TCF4: variants seen among roughly 807,000 people sequenced by gnomAD.
TCF4 encodes transcription factor 4, also known as SL3-3 enhancer factor 2.
TCF4 carries 3 observed loss-of-function variants against 82.1 expected under a neutral mutation model. The ratio of observed to expected loss-of-function variants is 0.04; its 90% CI spans 0.02 to 0.09. The LOEUF is 0.09. Among genes scored for constraint, TCF4 ranks in the 10% least tolerant of loss-of-function variants. The pLI, the probability that TCF4 is intolerant of heterozygous loss-of-function variation, is 1.00. For missense variants in TCF4, 518 were observed against 852.7 expected (o/e 0.61, Z 4.89); for synonymous variants, 276 against 309.6 (o/e 0.89, Z 1.14).
At chr18:55,540,010 C>T (rs527701093) in intron 3 of TCF4, among the ~76,000 whole-genome samples, 352 of 151,404 alleles carry the variant, frequency 2.3e-3, no homozygotes, top group African/African-American at 8.0e-3. Flanking sequence ...CTATGGTCCT[C>T]AGAGAGCTTA....
At chr18:55,364,915 C>T in intron 6 of TCF4, among the ~76,000 whole-genome samples, 1 of 151,758 alleles carries the variant, frequency 6.6e-6, no homozygotes, top group East Asian at 1.9e-4. Flanking sequence ...AATCCCAGCA[C>T]TTTGGGAACT....
At chr18:55,624,553 A>T (rs1339299623) in intron 2 of TCF4, among the ~76,000 whole-genome samples, 1 of 149,692 alleles carries the variant, frequency 6.7e-6, no homozygotes, top group African/African-American at 2.4e-5. Context: ...GTCACCAGGG[A>T]GAAGTTGTGG....
Position 55,478,569 on chromosome 18 carries a change from T to C in TCF4, c.146-14432A>G, listed in dbSNP as rs552426801. Among the ~76,000 whole-genome samples, 43 of 152,198 alleles carry C rather than the reference T, an allele frequency of 2.8e-4. 1 individual carries two copies. The East Asian group carries it at 3.3e-3, about 12-fold the overall frequency. On this transcript the variant is annotated intron_variant, in intron 3 of 19. Transcript: ENST00000354452. ...GTGGTACACAAAAGAAACCGCGAAA[T>C]CTGCAGTTACAAGTAAGAAACCTAC...
intron 6 of TCF4, 29 bp from the exon 7 acceptor site, chr18:55,351,032 T>C: frequency 6.2e-7 from 1 of 1,612,576 alleles, no homozygotes; most frequent in Non-Finnish European, 8.5e-7. Context: ...AAAACAAACA[T>C]ATAAGGTTAA....
At chr18:55,486,548 C>T (rs183918363) in intron 3 of TCF4, among the ~76,000 whole-genome samples, 5 of 152,294 alleles carry the variant, frequency 3.3e-5, no homozygotes, top group Non-Finnish European at 5.9e-5. Context: ...GCCAACATCA[C>T]ACCACTGCAC....
intron 3 of TCF4, chr18:55,551,786 T>C (rs557806364): frequency 3.3e-5 from 5 of 152,302 alleles, no homozygotes; most frequent in East Asian, 1.9e-4. Flanking sequence ...ATGAAGGAAA[T>C]AGGACTTTTT....
chr18:55,326,940 T>A (rs1370733845), intron 8 of TCF4, among the ~76,000 whole-genome samples: 1 of 152,130 alleles, frequency 6.6e-6, no homozygotes, highest in African/African-American at 2.4e-5. Flanking sequence ...AAATCCCTAA[T>A]AGGTATGAGT....
At chr18:55,477,251 C>T (rs1278040039) in intron 3 of TCF4, among the ~76,000 whole-genome samples, 3 of 152,010 alleles carry the variant, frequency 2.0e-5, no homozygotes, top group Admixed American at 1.3e-4. Flanking sequence ...TACCTAAACA[C>T]GAGCAGACTA....
At chr18:55,529,961 C>A (rs1261242875) in intron 3 of TCF4, among the ~76,000 whole-genome samples, 1 of 152,034 alleles carries the variant, frequency 6.6e-6, no homozygotes, top group Non-Finnish European at 1.5e-5. Context: ...TTGCCAAGCA[C>A]GCAAGCAGAG....
At chr18:55,601,522 G>A (rs893680737) in intron 2 of TCF4, among the ~76,000 whole-genome samples, 1 of 150,082 alleles carries the variant, frequency 6.7e-6, no homozygotes, top group African/African-American at 2.4e-5. Context: ...GGTGGCTCAC[G>A]CCTGTAATCC....
chr18:55,302,512 G>C, intron 8 of TCF4: 1 of 1,536,056 alleles, frequency 6.5e-7, no homozygotes. Flanking sequence ...TGATTGGTCA[G>C]ACATGGCTGA....
chr18:55,402,953 A>C (rs540333593), intron 6 of TCF4, among the ~76,000 whole-genome samples: 2 of 152,318 alleles, frequency 1.3e-5, no homozygotes, highest in Admixed American at 6.5e-5. Flanking sequence ...AAAACAATTC[A>C]GAAACAAAAA....
At chr18:55,455,818 C>A (rs779214764) in intron 5 of TCF4, among the ~76,000 whole-genome samples, 1 of 152,222 alleles carries the variant, frequency 6.6e-6, no homozygotes, top group East Asian at 1.9e-4. Context: ...GGTAACATCT[C>A]ATTCGTGCTT....
chr18:55,338,616 A>C (rs1053514367), intron 8 of TCF4, among the ~76,000 whole-genome samples: 3 of 152,164 alleles, frequency 2.0e-5, no homozygotes, highest in Non-Finnish European at 4.4e-5. Context: ...TTTTTCTTTC[A>C]TGAAAGACAG....
At chr18:55,257,056 A>G (rs1171207007) in intron 14 of TCF4, among the ~76,000 whole-genome samples, 2 of 152,060 alleles carry the variant, frequency 1.3e-5, no homozygotes, top group South Asian at 2.1e-4. Context: ...AGATGGGGAG[A>G]AGGCCATTGC....
chr18:55,253,130 G>A (rs768086780), intron 15 of TCF4, among the ~76,000 whole-genome samples: 3 of 152,096 alleles, frequency 2.0e-5, no homozygotes, highest in Non-Finnish European at 4.4e-5. Context: ...TTATAAACCA[G>A]TATTTTTGGT....
chr18:55,305,881 T>C (rs2070139274), intron 8 of TCF4, among the ~76,000 whole-genome samples: 1 of 152,192 alleles, frequency 6.6e-6, no homozygotes, highest in Non-Finnish European at 1.5e-5. Flanking sequence ...AATCAATAAG[T>C]AAATGAAGTA....
At chr18:55,403,621 G>C in intron 5 of TCF4, 103 bp from the exon 6 acceptor site, 2 of 1,609,856 alleles carry the variant, frequency 1.2e-6, no homozygotes, top group Non-Finnish European at 1.7e-6. Context: ...GTTTACATAC[G>C]TAAAGTAGGC....
intron 5 of TCF4, among the ~76,000 whole-genome samples, chr18:55,455,137 C>T (rs1454437008): frequency 6.3e-5 from 9 of 143,798 alleles, no homozygotes; most frequent in African/African-American, 2.1e-4. Flanking sequence ...CAGAGATCAT[C>T]CTACTGAACT....
Sources: allele counts gnomAD v4.1 joint callset (sites outside exome capture counted in the v4.1 genomes callset), GRCh38; gene constraint gnomAD v4.1.1; transcripts MANE v1.5; gene names NCBI Gene and HGNC (gene_info 2026-07-23, HGNC 2026-07-21).